KALRN: variants seen among roughly 807,000 people sequenced by gnomAD.
KALRN encodes the protein kalirin RhoGEF kinase.
In KALRN, 70 loss-of-function variants were observed where a neutral mutation model predicts 353.7. The observed-to-expected ratio is 0.20, with a 90% CI of 0.16 to 0.24. KALRN has a LOEUF of 0.24. Among genes scored for constraint, KALRN ranks in the 10% least tolerant of loss-of-function variants. The pLI is 1.00. For synonymous variants in KALRN, 1,391 were observed against 1,434.8 expected (o/e 0.97, Z 0.69); for missense variants, 2,791 against 3,756.7 (o/e 0.74, Z 6.72).
chr3:124,645,803 C>T (rs1268499938), intron 37 of KALRN, among the ~76,000 whole-genome samples: 1 of 151,984 alleles, frequency 6.6e-6, no homozygotes, highest in Non-Finnish European at 1.5e-5. Flanking sequence ...ACTTCATTAC[C>T]TTTGCGTATA....
At chr3:124,530,271 A>T (rs917763597) in intron 33 of KALRN, among the ~76,000 whole-genome samples, 1 of 152,250 alleles carries the variant, frequency 6.6e-6, no homozygotes, top group Non-Finnish European at 1.5e-5. Context: ...TCAGGGAACA[A>T]AATTCATACC....
intron 33 of KALRN, among the ~76,000 whole-genome samples, chr3:124,551,589 C>T (rs998790634): frequency 6.6e-6 from 1 of 152,130 alleles, no homozygotes; most frequent in African/African-American, 2.4e-5. Flanking sequence ...CTGTTGCAGC[C>T]AAGGGAGGGC....
At chr3:124,325,204 A>T (rs183053372) in intron 6 of KALRN, among the ~76,000 whole-genome samples, 1 of 152,368 alleles carries the variant, frequency 6.6e-6, no homozygotes, top group Middle Eastern at 3.4e-3. Flanking sequence ...TAAACAAAAC[A>T]CAAGATGACA....
chr3:124,440,470 G>A (rs2093632005), intron 18 of KALRN, among the ~76,000 whole-genome samples: 1 of 151,956 alleles, frequency 6.6e-6, no homozygotes, highest in Admixed American at 6.6e-5. Context: ...CTTAAGCTGA[G>A]ACCACCATCA....
intron 34 of KALRN, among the ~76,000 whole-genome samples, chr3:124,591,284 C>G (rs2713661): frequency 0.13 from 19,632 of 152,072 alleles, 2,882 homozygotes; most frequent in East Asian, 0.42. Flanking sequence ...CCCTTTTCCC[C>G]GCCCTTTTTT....
At position 124,719,548 on chromosome 3, in the gene KALRN, C is replaced by T. The variant is rs2063309717; in HGVS notation, c.*78C>T. 16 of 1,341,506 alleles carry T rather than the reference C, an allele frequency of 1.2e-5. No homozygotes were observed. Among genetic ancestry groups the T allele is most frequent in the Non-Finnish European group, 1.6e-5 (16 of 972,160 alleles). 83.1% of individuals were successfully genotyped at this position (1,341,506 alleles called of 1,614,324 possible). ...AGACTGAATGTGACTGTAAATAATT[C>T]TGTTCATCATTTCACTCCGTGCAGT... On this transcript the variant is annotated 3_prime_UTR_variant, in exon 60 of 60. Coordinates refer to ENST00000682506, the MANE Select transcript of KALRN (RefSeq NM_001388419.1). This position sits in a 1 kb window ranked among gnomAD's most constrained non-coding sequence, Gnocchi z 5.3.
At chr3:124,280,557 G>A (rs1580426935) in intron 5 of KALRN, among the ~76,000 whole-genome samples, 1 of 152,280 alleles carries the variant, frequency 6.6e-6, no homozygotes, top group East Asian at 1.9e-4. Context: ...TTTTTCAAGT[G>A]GATGAGGGGT....
intron 10 of KALRN, among the ~76,000 whole-genome samples, chr3:124,362,470 G>T (rs952070653): frequency 2.0e-5 from 3 of 152,256 alleles, no homozygotes; most frequent in Non-Finnish European, 4.4e-5. Flanking sequence ...CAGGATTGGT[G>T]CCTTTATTTG....
chr3:124,483,021 G>A, intron 28 of KALRN, 121 bp downstream of exon 28: 3 of 721,608 alleles, frequency 4.2e-6, no homozygotes, highest in Non-Finnish European at 7.5e-6. Flanking sequence ...ACCTAGGGCA[G>A]AACTTCAGCC....
At chr3:124,696,925 C>T (rs2062080150) in intron 54 of KALRN, among the ~76,000 whole-genome samples, 1 of 152,046 alleles carries the variant, frequency 6.6e-6, no homozygotes, top group African/African-American at 2.4e-5. Flanking sequence ...GTTACTCAAA[C>T]TTTATTTTTT....
intron 11 of KALRN, 58 bp from the exon 12 acceptor site, chr3:124,395,077 A>T: frequency 7.1e-7 from 1 of 1,411,930 alleles, no homozygotes; most frequent in Non-Finnish European, 9.9e-7. Context: ...CCTTGCCCTC[A>T]CCCCAGCCCT....
chr3:124,378,933 G>A (rs1329424625), intron 10 of KALRN, among the ~76,000 whole-genome samples: 2 of 151,500 alleles, frequency 1.3e-5, no homozygotes, highest in Non-Finnish European at 2.9e-5. Flanking sequence ...GGTTTGTTGG[G>A]TTTCTTGGAT....
intron 1 of KALRN, among the ~76,000 whole-genome samples, chr3:124,132,625 G>A (rs2065434403): frequency 6.6e-6 from 1 of 152,194 alleles, no homozygotes; most frequent in Non-Finnish European, 1.5e-5. Flanking sequence ...GGATGATGAG[G>A]CCAGGAGAAG....
chr3:124,482,657 C>T (rs1394494954), intron 27 of KALRN, 151 bp from the exon 28 acceptor site: 10 of 537,534 alleles, frequency 1.9e-5, no homozygotes, highest in Middle Eastern at 2.8e-4. Flanking sequence ...TCTCTTTTTA[C>T]TCCCCTCTCC....
intron 1 of KALRN, chr3:124,164,073 G>T: frequency 1.5e-6 from 1 of 683,290 alleles, no homozygotes; most frequent in Non-Finnish European, 1.8e-6. Flanking sequence ...ACTGCATCCA[G>T]ATTGGACAGT....
At chr3:124,118,757 G>T (rs2063698598) in intron 1 of KALRN, among the ~76,000 whole-genome samples, 1 of 152,142 alleles carries the variant, frequency 6.6e-6, no homozygotes, top group Non-Finnish European at 1.5e-5. Flanking sequence ...TACCAGATTT[G>T]TTCCAAACAC....
At chr3:124,244,834 G>T (rs7645191) in intron 3 of KALRN, among the ~76,000 whole-genome samples, 132,242 of 152,002 alleles carry the variant, frequency 0.87, 58,209 homozygotes, top group South Asian at 0.93. Context: ...TTTTTTAGTT[G>T]TTACATATAT....
At chr3:124,626,502 AT>A (rs200506128) in intron 34 of KALRN, among the ~76,000 whole-genome samples, 14 of 152,066 alleles carry the variant, frequency 9.2e-5, no homozygotes, top group Non-Finnish European at 1.9e-4. Flanking sequence ...GCTTCAGAAA[AT>A]TTTTTTTAAT....
intron 13 of KALRN, among the ~76,000 whole-genome samples, chr3:124,410,984 G>A (rs1230926975): frequency 3.9e-5 from 6 of 152,092 alleles, no homozygotes; most frequent in Non-Finnish European, 8.8e-5. Flanking sequence ...ACACACTGTG[G>A]CCTATATGTA....
Sources: gnomAD v4.1 joint callset for allele counts (sites outside exome capture counted in the v4.1 genomes callset) on GRCh38, gnomAD v4.1.1 for gene constraint, Gnocchi (gnomAD v3.1) non-coding constraint, MANE v1.5 for transcripts, NCBI Gene and HGNC (gene_info 2026-07-23, HGNC 2026-07-21) for gene names.